Variants in TLE2 observed in about 807,000 individuals in gnomAD.
TLE2 encodes the protein TLE family member 2, transcriptional corepressor, also known as transducin-like enhancer protein 2.
TLE2 carries 74 observed loss-of-function variants against 97.2 expected under a neutral mutation model. The observed-to-expected ratio is 0.76, with a 90% CI of 0.63 to 0.92. The LOEUF (loss-of-function observed/expected upper bound fraction) is 0.92. Among genes scored for constraint, TLE2 ranks in the 40% least tolerant of loss-of-function variants. TLE2 has a pLI of 0.00. For synonymous variants in TLE2, 499 were observed against 432.1 expected (o/e 1.15, Z -1.92); for missense variants, 1,038 against 1,008.7 (o/e 1.03, Z -0.39).
At chr19:3,018,739 C>T (rs901987958) in intron 7 of TLE2, among the ~76,000 whole-genome samples, 16 of 152,130 alleles carry the variant, frequency 1.1e-4, no homozygotes, top group South Asian at 1.0e-3. Context: ...CTCAGCCTCC[C>T]GAGTAGCTGA....
intron 8 of TLE2, among the ~76,000 whole-genome samples, chr19:3,016,419 CAA>C (rs34669546): frequency 0.081 from 7,422 of 91,452 alleles, 444 homozygotes; most frequent in African/African-American, 0.21. Flanking sequence ...ACTAAAAATA[CAA>C]AAAAAAAAAA....
rs756800910 is a variant in TLE2 at position 3,005,856 on chromosome 19, C to CG, written c.1612dup (p.Arg538ProfsTer59). ...TGAGGAAGTCAGCTCGGCCTTGATA[C>CG]GGGGGGTGGGCGCCGCCAGGTCCCA... On this transcript the variant is annotated frameshift_variant, in exon 16 of 20. Coordinates refer to ENST00000262953, the MANE Select transcript of TLE2 (RefSeq NM_003260.5). LOFTEE classifies it high-confidence loss of function. The CG allele has an allele frequency of 5.6e-6, 9 of 1,613,910 alleles. No individual in the cohort carries two copies. The highest frequency in any genetic ancestry group is 4.5e-5 in the East Asian group (2 of 44,886).
At chr19:3,007,500 T>C (rs1371417716) in intron 14 of TLE2, among the ~76,000 whole-genome samples, 2 of 152,158 alleles carry the variant, frequency 1.3e-5, no homozygotes, top group African/African-American at 4.8e-5. Context: ...TCCTCCCGCC[T>C]TGGCCTCCCA....
chr19:3,038,242 C>G (rs1040640309), intron 1 of TLE2, among the ~76,000 whole-genome samples: 2 of 152,210 alleles, frequency 1.3e-5, no homozygotes, highest in African/African-American at 4.8e-5. Context: ...AGGTCTCACT[C>G]TGTCACCCAG....
intron 5 of TLE2, among the ~76,000 whole-genome samples, chr19:3,023,345 T>A (rs768809116): frequency 1.3e-5 from 2 of 152,148 alleles, no homozygotes; most frequent in Non-Finnish European, 2.9e-5. Flanking sequence ...CTACCTAAAC[T>A]TCTTGCGGCT....
At chr19:3,046,935 T>TA (rs2090146498), upstream of TLE2, among the ~76,000 whole-genome samples, 1 of 42,948 alleles carries the variant, frequency 2.3e-5, no homozygotes, top group Non-Finnish European at 4.7e-5. Context: ...CTCCTCTGCC[T>TA]CCCCCTCCTC....
At chr19:3,039,691 G>A (rs1379725770) in intron 1 of TLE2, among the ~76,000 whole-genome samples, 2 of 152,190 alleles carry the variant, frequency 1.3e-5, no homozygotes, top group East Asian at 1.9e-4. Flanking sequence ...TTTATTGGGA[G>A]AGTAAGTGGA....
At position 3,019,478 on chromosome 19, in the gene TLE2, G is replaced by A. The variant is rs868513121; in HGVS notation, c.370-15C>T. On this transcript the variant is annotated splice_polypyrimidine_tract_variant and intron_variant, in intron 6 of 19. Coordinates refer to ENST00000262953, the MANE Select transcript of TLE2 (RefSeq NM_003260.5). The surrounding 1 kb of genome is among the most constrained non-coding windows in gnomAD (Gnocchi z 5.1). ...TGGAGCTGCTGCTGCTAGAAAGGAG[G>A]CAGGATGGGCCGGGGCGGGGGGCGG... 6.6e-6 allele frequency: 10 copies of A among 1,504,306 alleles called. No homozygotes were observed. The Middle Eastern group carries it at 6.5e-4, about 98-fold the overall frequency. 93.2% of individuals were successfully genotyped at this position (1,504,306 alleles called of 1,614,324 possible). A position where few individuals can be genotyped will look rare whatever the true frequency, so the allele number is the denominator to read the frequency against.
chr19:3,034,105 C>T (rs1429152708), upstream of TLE2, among the ~76,000 whole-genome samples: 2 of 151,970 alleles, frequency 1.3e-5, no homozygotes, highest in Non-Finnish European at 2.9e-5. Context: ...GACTCTTACC[C>T]CCTGCTCCTA....
intron 1 of TLE2, among the ~76,000 whole-genome samples, chr19:3,036,182 G>T (rs1277063664): frequency 6.6e-6 from 1 of 152,204 alleles, no homozygotes; most frequent in Non-Finnish European, 1.5e-5. Flanking sequence ...GTCAGGGGTG[G>T]AGGGGGGTGG....
chr19:2,999,151 G>A (rs577573382), intron 19 of TLE2, among the ~76,000 whole-genome samples: 15 of 152,044 alleles, frequency 9.9e-5, no homozygotes, highest in South Asian at 4.2e-4. Flanking sequence ...GCATGGTGGC[G>A]GGCACATGTA....
At chr19:3,026,987 ACCCTGAGGTCAATCTCAGAG>A (rs1173675026) in intron 4 of TLE2, among the ~76,000 whole-genome samples, 63 of 150,210 alleles carry the variant, frequency 4.2e-4, no homozygotes, top group African/African-American at 1.4e-3. Flanking sequence ...CTATCTCAGA[ACCCTGAGGTCAATCTCAGAG>A]CCCTGAGGTC....
Position 3,009,629 on chromosome 19 carries a change from G to A in TLE2, c.1086C>T (p.Asn362=), listed in dbSNP as rs369014334. 2.2e-5 allele frequency: 36 copies of A among 1,613,268 alleles called. No homozygotes were observed. The highest frequency in any genetic ancestry group is 2.6e-5 in the Non-Finnish European group (31 of 1,179,610). Residue 362 remains asparagine (N), a synonymous_variant, in exon 13 of 20, where the codon AAC becomes AAT. Coordinates refer to ENST00000262953, the MANE Select transcript of TLE2 (RefSeq NM_003260.5). ...AGGAGCTGGGCACGGAGAGGTCTCC[G>A]TTGAGAGTGCTGTGGGAGCCCAGGC... ...SFSLGSHSTL[N]GDLSVPSSYV...
chr19:3,036,197 G>A (rs559195899), intron 1 of TLE2, among the ~76,000 whole-genome samples: 1 of 152,308 alleles, frequency 6.6e-6, no homozygotes, highest in Non-Finnish European at 1.5e-5. Flanking sequence ...GGGTGGTGCT[G>A]GGCCTTGTGC....
rs568949644 is a variant in TLE2, at chr19:3,027,294, G to A, written c.231+535C>T. On this transcript the variant is annotated intron_variant, in intron 4 of 19. Coordinates refer to ENST00000262953, the MANE Select transcript of TLE2 (RefSeq NM_003260.5). ...ACAGAGTTTTGAGGTCTATTTTGGAGTAGTGGGGTCACAGTCTGAACCATG... is the reference window on the plus strand; with the variant it reads ...ACAGAGTTTTGAGGTCTATTTTGGAATAGTGGGGTCACAGTCTGAACCATG... 1.7e-4 allele frequency among the ~76,000 whole-genome samples: 26 copies of A among 152,374 alleles called. 1 individual carries two copies. Among genetic ancestry groups the A allele is most frequent in the African/African-American group, 6.3e-4 (26 of 41,594 alleles).
rs192036721 is a variant in TLE2 at position 3,025,646 on chromosome 19, G to C, written c.232-564C>G. On this transcript the variant is annotated intron_variant, in intron 4 of 19. Transcript: ENST00000262953. ...AGGGTCTGGGCCCAGGTGCCCCAAA[G>C]AGGCTGAGCAGACGAGAAGGCGTGT... 19 of 984,058 alleles carry C rather than the reference G, an allele frequency of 1.9e-5. 1 individual carries two copies. In the Admixed American group the frequency reaches 4.3e-4, roughly 22 times the overall value. 61.0% of individuals were successfully genotyped at this position (984,058 alleles called of 1,614,324 possible). A position where few individuals can be genotyped will look rare whatever the true frequency, so the allele number is the denominator to read the frequency against.
chr19:3,045,176 T>A (rs774279153), intron 1 of TLE2, among the ~76,000 whole-genome samples: 6 of 152,220 alleles, frequency 3.9e-5, no homozygotes, highest in Non-Finnish European at 8.8e-5. Context: ...ATAGCGCCAC[T>A]GAACTTCAGC....
chr19:3,018,402 C>G (rs1273585842), intron 7 of TLE2, among the ~76,000 whole-genome samples: 3 of 151,938 alleles, frequency 2.0e-5, no homozygotes, highest in Non-Finnish European at 4.4e-5. Context: ...AAGCAATTCT[C>G]TTGCCTCAGC....
intron 5 of TLE2, among the ~76,000 whole-genome samples, chr19:3,023,228 A>G (rs1313317580): frequency 2.0e-5 from 3 of 151,990 alleles, no homozygotes; most frequent in African/African-American, 4.8e-5. Flanking sequence ...AGTAGAAATG[A>G]GGTTTCACCA....
Sources: allele counts gnomAD v4.1 joint callset (sites outside exome capture counted in the v4.1 genomes callset), GRCh38; gene constraint gnomAD v4.1.1; non-coding constraint Gnocchi (gnomAD v3.1); transcripts MANE v1.5; gene names NCBI Gene and HGNC (gene_info 2026-07-23, HGNC 2026-07-21).